NCAM2: variants seen among roughly 807,000 people sequenced by gnomAD.
NCAM2 encodes N-CAM-2.
A neutral mutation model predicts 98.1 loss-of-function variants in NCAM2; 30 were observed. The ratio of observed to expected loss-of-function variants is 0.31; its 90% confidence interval spans 0.23 to 0.41. The LOEUF (loss-of-function observed/expected upper bound fraction) is 0.41. Ranked by LOEUF, NCAM2 falls within the 10% of genes least tolerant of loss-of-function variation. The pLI, the probability that NCAM2 is intolerant of heterozygous loss-of-function variation, is 1.00. For missense variants in NCAM2, 867 were observed against 1,005.8 expected (o/e 0.86, Z 1.87); for synonymous variants, 368 against 342.4 (o/e 1.07, Z -0.83).
chr21:21,423,945 A>G (rs1012822828), intron 11 of NCAM2, among the ~76,000 whole-genome samples: 1 of 152,192 alleles, frequency 6.6e-6, no homozygotes, highest in Non-Finnish European at 1.5e-5. Flanking sequence ...ATATGGAATT[A>G]TGGCCGATCT....
intron 1 of NCAM2, among the ~76,000 whole-genome samples, chr21:21,071,145 T>C (rs941574481): frequency 4.9e-4 from 75 of 152,174 alleles, no homozygotes; most frequent in African/African-American, 1.7e-3. Flanking sequence ...GAAAAACTGA[T>C]ATACTAATTC....
intron 1 of NCAM2, among the ~76,000 whole-genome samples, chr21:21,064,646 C>CT (rs2065395878): frequency 6.6e-6 from 1 of 152,210 alleles, no homozygotes; most frequent in Admixed American, 6.5e-5. Context: ...ATCAATTTGG[C>CT]TTTTTCAGTA....
chr21:21,155,468 C>G (rs761862032), intron 1 of NCAM2, among the ~76,000 whole-genome samples: 5 of 151,574 alleles, frequency 3.3e-5, no homozygotes, highest in Non-Finnish European at 5.9e-5. Flanking sequence ...ATACTTGACA[C>G]TCTGGTTTTG....
At chr21:21,146,060 A>G (rs1283470106) in intron 1 of NCAM2, among the ~76,000 whole-genome samples, 1 of 152,234 alleles carries the variant, frequency 6.6e-6, no homozygotes, top group East Asian at 1.9e-4. Context: ...CAGTTTTTAC[A>G]AGTAACAATG....
Position 21,059,780 on chromosome 21 carries a change from A to G in NCAM2, c.55+61162A>G, listed in dbSNP as rs571419962. 9.2e-5 allele frequency among the ~76,000 whole-genome samples: 14 copies of G among 152,160 alleles called. No homozygotes were observed. The East Asian group carries it at 2.3e-3, about 25-fold the overall frequency. On this transcript the variant is annotated intron_variant, in intron 1 of 17. Coordinates refer to ENST00000400546, the MANE Select transcript of NCAM2 (RefSeq NM_004540.5). ...GACATTTTTGGTTGCCACACTGCACATGGGTGTTGGGGTGCCAATAGTATG... is the reference window on the plus strand; with the variant it reads ...GACATTTTTGGTTGCCACACTGCACGTGGGTGTTGGGGTGCCAATAGTATG...
chr21:21,519,108 G>A (rs918219392), intron 16 of NCAM2, among the ~76,000 whole-genome samples: 1 of 152,074 alleles, frequency 6.6e-6, no homozygotes, highest in Non-Finnish European at 1.5e-5. Flanking sequence ...ATTGGTGAGA[G>A]TCAGAGAAAG....
chr21:21,274,808 C>T (rs907075000), intron 1 of NCAM2, among the ~76,000 whole-genome samples: 5 of 152,218 alleles, frequency 3.3e-5, no homozygotes, highest in East Asian at 3.9e-4. Context: ...CTCCACATGT[C>T]TTATGAAATT....
chr21:21,248,114 A>G (rs1352239921), intron 1 of NCAM2, among the ~76,000 whole-genome samples: 1 of 19,272 alleles, frequency 5.2e-5, no homozygotes, highest in Non-Finnish European at 3.2e-4. Context: ...AGTAAACTCT[A>G]CATGTATATG....
At chr21:21,498,890 T>A (rs186731247) in intron 15 of NCAM2, among the ~76,000 whole-genome samples, 2 of 152,298 alleles carry the variant, frequency 1.3e-5, no homozygotes, top group African/African-American at 4.8e-5. Flanking sequence ...AAATGAATTA[T>A]AGAAGAAGAG....
chr21:21,119,743 ATATCT>A (rs893974364), intron 1 of NCAM2, among the ~76,000 whole-genome samples: 3 of 152,196 alleles, frequency 2.0e-5, no homozygotes, highest in Non-Finnish European at 2.9e-5. Flanking sequence ...TTATCTGGAG[ATATCT>A]TATTAATAGT....
intron 9 of NCAM2, among the ~76,000 whole-genome samples, chr21:21,379,322 A>G (rs1025690759): frequency 3.3e-5 from 5 of 151,912 alleles, no homozygotes; most frequent in Non-Finnish European, 5.9e-5. Flanking sequence ...TTCACCATGC[A>G]CTTAGTTGTA....
At chr21:21,010,776 G>T (rs2064194937) in intron 1 of NCAM2, among the ~76,000 whole-genome samples, 1 of 152,080 alleles carries the variant, frequency 6.6e-6, no homozygotes, top group African/African-American at 2.4e-5. Flanking sequence ...TGTGATGGAA[G>T]AAGATAAATC....
chr21:21,320,637 A>G (rs746314923), intron 5 of NCAM2, among the ~76,000 whole-genome samples: 7 of 152,178 alleles, frequency 4.6e-5, no homozygotes, highest in Non-Finnish European at 7.4e-5. Flanking sequence ...TGACTATATG[A>G]AAGTAACAAT....
At chr21:21,285,727 C>CT (rs1257001089) in intron 3 of NCAM2, among the ~76,000 whole-genome samples, 2 of 151,976 alleles carry the variant, frequency 1.3e-5, no homozygotes, top group Non-Finnish European at 2.9e-5. Context: ...CACTATAATT[C>CT]TGAGTCCTAG....
intron 1 of NCAM2, among the ~76,000 whole-genome samples, chr21:21,279,123 G>T (rs1281193402): frequency 1.3e-5 from 2 of 152,146 alleles, no homozygotes; most frequent in Non-Finnish European, 2.9e-5. Context: ...AGCCCTACAC[G>T]TGAGACTGCT....
intron 9 of NCAM2, among the ~76,000 whole-genome samples, chr21:21,383,515 G>A (rs566288404): frequency 2.2e-4 from 34 of 151,582 alleles, no homozygotes; most frequent in African/African-American, 7.5e-4. Context: ...GAAAAACAAA[G>A]AAAAAAAATG....
At chr21:21,395,553 T>G (rs187637162) in intron 9 of NCAM2, among the ~76,000 whole-genome samples, 44 of 152,136 alleles carry the variant, frequency 2.9e-4, no homozygotes, top group Non-Finnish European at 5.4e-4. Flanking sequence ...AAAAGAGCCC[T>G]CATAGCCAAA....
chr21:21,099,505 G>T (rs1308009425), intron 1 of NCAM2, among the ~76,000 whole-genome samples: 1 of 151,824 alleles, frequency 6.6e-6, no homozygotes, highest in Middle Eastern at 3.2e-3. Flanking sequence ...TAAGCAAAGG[G>T]TGGAGGGAAG....
intron 12 of NCAM2, among the ~76,000 whole-genome samples, chr21:21,441,183 A>G (rs1979208836): frequency 6.6e-6 from 1 of 152,154 alleles, no homozygotes; most frequent in South Asian, 2.1e-4. Flanking sequence ...TTTCATGAGA[A>G]ACCCATACAT....
Sources: allele counts gnomAD v4.1 joint callset (sites outside exome capture counted in the v4.1 genomes callset), GRCh38; gene constraint gnomAD v4.1.1; transcripts MANE v1.5; gene names NCBI Gene and HGNC (gene_info 2026-07-23, HGNC 2026-07-21).